Variants in FRMD4A observed in about 807,000 individuals in gnomAD.
The protein encoded by FRMD4A is FERM domain containing 4A.
Under a neutral mutation model 129.1 loss-of-function variants are expected in FRMD4A, and 29 were observed. The ratio of observed to expected loss-of-function variants is 0.22; its 90% confidence interval spans 0.17 to 0.31. FRMD4A has a LOEUF of 0.31. Among genes scored for constraint, FRMD4A ranks in the 10% least tolerant of loss-of-function variants. FRMD4A has a pLI of 1.00. For synonymous variants in FRMD4A, 634 were observed against 571.6 expected, an observed-to-expected ratio of 1.11 and a Z score of -1.56; for missense variants, 1,272 against 1,375.8, an observed-to-expected ratio of 0.92 and a Z score of 1.19.
chr10:14,014,421 A>C (rs2095691761), intron 2 of FRMD4A, among the ~76,000 whole-genome samples: 1 of 152,226 alleles, frequency 6.6e-6, no homozygotes, highest in South Asian at 2.1e-4. Context: ...CATTCTTAAA[A>C]GACTTGGAAA....
intron 2 of FRMD4A, among the ~76,000 whole-genome samples, chr10:14,029,826 A>C (rs1254950961): frequency 7.1e-6 from 1 of 140,866 alleles, no homozygotes; most frequent in Non-Finnish European, 1.6e-5. Flanking sequence ...AAAAAAAAAA[A>C]CTACATGTTT....
intron 11 of FRMD4A, among the ~76,000 whole-genome samples, chr10:13,738,955 A>G (rs1444665218): frequency 6.6e-6 from 1 of 152,084 alleles, no homozygotes; most frequent in African/African-American, 2.4e-5. Flanking sequence ...TTGTCACCTG[A>G]GCGTAAGTTG....
At chr10:13,683,610 A>G (rs1265069328) in intron 15 of FRMD4A, among the ~76,000 whole-genome samples, 1 of 152,084 alleles carries the variant, frequency 6.6e-6, no homozygotes, top group Non-Finnish European at 1.5e-5. Context: ...ACAGACAAAA[A>G]AAAGAATGAG....
chr10:14,227,016 C>T (rs931887026), intron 2 of FRMD4A, among the ~76,000 whole-genome samples: 2 of 152,128 alleles, frequency 1.3e-5, no homozygotes, highest in African/African-American at 4.8e-5. Context: ...AGGCCTGCCA[C>T]GATCTAGTGC....
At chr10:14,042,924 C>CAAAAAAAAAAA (rs57492155) in intron 2 of FRMD4A, among the ~76,000 whole-genome samples, 1 of 62,800 alleles carries the variant, frequency 1.6e-5, no homozygotes. Context: ...GACTCCATCT[C>CAAAAAAAAAAA]AAAAAAAAAA....
intron 2 of FRMD4A, among the ~76,000 whole-genome samples, chr10:13,948,185 A>C (rs1209960500): frequency 2.0e-5 from 3 of 151,768 alleles, no homozygotes; most frequent in African/African-American, 4.8e-5. Context: ...GTCATGTTGA[A>C]ATATATATAT....
At chr10:14,153,607 A>G (rs920547464) in intron 2 of FRMD4A, among the ~76,000 whole-genome samples, 6 of 152,126 alleles carry the variant, frequency 3.9e-5, no homozygotes, top group Non-Finnish European at 7.4e-5. Flanking sequence ...CACTCCTAGC[A>G]TGAGTTATCT....
intron 2 of FRMD4A, among the ~76,000 whole-genome samples, chr10:14,322,231 T>C (rs1843088228): frequency 6.6e-6 from 1 of 151,970 alleles, no homozygotes; most frequent in African/African-American, 2.4e-5. Flanking sequence ...CAAGAGAAAC[T>C]GAGGCAGCAG....
chr10:13,676,958 C>G (rs184245280), intron 15 of FRMD4A, among the ~76,000 whole-genome samples: 1 of 152,274 alleles, frequency 6.6e-6, no homozygotes, highest in Admixed American at 6.5e-5. Flanking sequence ...ATAATCCAGT[C>G]AGAATTCCCA....
At chr10:13,809,676 C>T (rs748653953) in intron 4 of FRMD4A, among the ~76,000 whole-genome samples, 12 of 152,194 alleles carry the variant, frequency 7.9e-5, no homozygotes, top group Non-Finnish European at 1.8e-4. Flanking sequence ...CCACCTTGCT[C>T]CTCCCAGCTT....
chr10:14,104,331 G>T (rs548311787), intron 2 of FRMD4A, among the ~76,000 whole-genome samples: 19 of 152,322 alleles, frequency 1.2e-4, no homozygotes, highest in Non-Finnish European at 2.1e-4. Flanking sequence ...CTGCCATCGA[G>T]GTTACACTGC....
chr10:13,655,703 C>T (rs2082083622), intron 22 of FRMD4A: 1 of 152,212 alleles, frequency 6.6e-6, no homozygotes, highest in Non-Finnish European at 1.5e-5. Flanking sequence ...CACTCTGTTT[C>T]CCCCGATCTT....
At chr10:13,776,293 T>C (rs369714528) in intron 6 of FRMD4A, among the ~76,000 whole-genome samples, 1 of 152,020 alleles carries the variant, frequency 6.6e-6, no homozygotes, top group Non-Finnish European at 1.5e-5. Flanking sequence ...GTGTTTTTTG[T>C]AGAGATGGGA....
chr10:14,041,575 C>G (rs1324261101), intron 2 of FRMD4A, among the ~76,000 whole-genome samples: 5 of 152,176 alleles, frequency 3.3e-5, no homozygotes, highest in African/African-American at 1.2e-4. Context: ...ACAGATGAGT[C>G]CATATGAGCC....
rs200846869 is a variant in FRMD4A, at chr10:13,656,887, G to A, written c.2702C>T (p.Ser901Leu). ...CAGCGACGGAGTCCGCAGGATCTGC[G>A]ATCGCGACGGCGTCAGGCGGCCCGT... ...GDTGRLTPSR[S>L]QILRTPSLGR... Residue 901 changes from serine (S) to leucine (L), a missense_variant, in exon 22 of 25, where the codon TCG becomes TTG. By Grantham distance (145) the Ser-to-Leu change is moderately radical (BLOSUM62 -2). Transcript: ENST00000357447. 1.9e-4 allele frequency: 281 copies of A among 1,480,138 alleles called. No individual in the cohort carries two copies. The highest frequency in any genetic ancestry group is 7.0e-4 in the Middle Eastern group (4 of 5,688). The allele number at this position is 1,480,138 out of a possible 1,614,324, so 91.7% of individuals were successfully genotyped here. A position where few individuals can be genotyped will look rare whatever the true frequency, so the allele number is the denominator to read the frequency against.
At chr10:14,225,742 G>C (rs1843412697) in intron 2 of FRMD4A, among the ~76,000 whole-genome samples, 1 of 152,176 alleles carries the variant, frequency 6.6e-6, no homozygotes, top group South Asian at 2.1e-4. Flanking sequence ...TCCCTCTGTA[G>C]CTCTTCTGTA....
intron 2 of FRMD4A, among the ~76,000 whole-genome samples, chr10:14,006,636 G>A (rs1698305960): frequency 1.3e-5 from 2 of 152,106 alleles, no homozygotes; most frequent in African/African-American, 4.8e-5. Flanking sequence ...ACAGCCCTAA[G>A]GCACACAATT....
intron 2 of FRMD4A, among the ~76,000 whole-genome samples, chr10:14,225,818 G>C (rs1243425749): frequency 3.9e-5 from 6 of 152,174 alleles, no homozygotes; most frequent in Admixed American, 2.0e-4. Context: ...GATTTCTCCT[G>C]ATACATGAAT....
intron 5 of FRMD4A, among the ~76,000 whole-genome samples, chr10:13,796,294 A>G (rs1361601809): frequency 1.3e-5 from 2 of 152,160 alleles, no homozygotes; most frequent in African/African-American, 2.4e-5. Flanking sequence ...TAATACACAC[A>G]TCCTTGCACA....
Sources: gnomAD v4.1 joint callset for allele counts (sites outside exome capture counted in the v4.1 genomes callset) on GRCh38, gnomAD v4.1.1 for gene constraint, MANE v1.5 for transcripts, NCBI Gene and HGNC (gene_info 2026-07-23, HGNC 2026-07-21) for gene names.